Variants in ELP1 observed in about 807,000 individuals in gnomAD.
ELP1 encodes the protein elongator complex protein 1.
A neutral mutation model predicts 183.2 loss-of-function variants in ELP1; 131 were observed. The ratio of observed to expected loss-of-function variants is 0.72; its 90% CI spans 0.62 to 0.83. The LOEUF (loss-of-function observed/expected upper bound fraction) is 0.83. ELP1 is among the 40% of genes least tolerant of loss of function. The pLI, the probability that ELP1 is intolerant of heterozygous loss-of-function variation, is 0.00. For missense variants in ELP1, 1,550 were observed against 1,594.9 expected, an observed-to-expected ratio of 0.97 and a Z score of 0.48; for synonymous variants, 555 against 569.0, an observed-to-expected ratio of 0.98 and a Z score of 0.35.
At chr9:108,878,888 G>T in intron 33 of ELP1, 138 bp from the exon 34 acceptor site, 2 of 866,960 alleles carry the variant, frequency 2.3e-6, no homozygotes, top group Admixed American at 4.2e-5. Flanking sequence ...AATTCCTAAA[G>T]CAAAATTCAG....
intron 36 of ELP1, among the ~76,000 whole-genome samples, chr9:108,870,963 T>C (rs1470006604): frequency 2.7e-5 from 4 of 145,804 alleles, no homozygotes; most frequent in African/African-American, 1.0e-4. Context: ...AAATCCTTCA[T>C]GCACCATTTT....
rs1451184045 is a variant in ELP1, at chr9:108,901,527, C to T, written c.1912G>A (p.Ala638Thr). The T allele has an allele frequency of 1.2e-6, 2 of 1,613,564 alleles. No individual in the cohort carries two copies. The highest frequency in any genetic ancestry group is 1.7e-5 in the Admixed American group (1 of 60,008). The change falls in exon 18 of 37, where the codon GCG becomes ACG. Residue 638 changes from alanine (A) to threonine (T), a missense_variant. Coordinates refer to ENST00000374647, the MANE Select transcript of ELP1 (RefSeq NM_003640.5). ...CRFFINDIEV[A>T]SNITSFAVYD... ...ACTGCAAATGACGTGATATTTGACGCAACCTGCAAGAGAAGGCCAGAGAGG... is the reference window on the plus strand; with the variant it reads ...ACTGCAAATGACGTGATATTTGACGTAACCTGCAAGAGAAGGCCAGAGAGG...
chr9:108,883,500 T>C (rs1828007157), intron 29 of ELP1, among the ~76,000 whole-genome samples: 1 of 152,212 alleles, frequency 6.6e-6, no homozygotes, highest in East Asian at 1.9e-4. Flanking sequence ...TCTTAAATTT[T>C]TGTTGATCCA....
At chr9:108,879,905 G>A in intron 32 of ELP1, 147 bp downstream of exon 32, 2 of 703,788 alleles carry the variant, frequency 2.8e-6, no homozygotes, top group South Asian at 3.0e-5. Context: ...AGACACAGAG[G>A]GCCCTGAAGG....
intron 13 of ELP1, 102 bp from the exon 14 acceptor site, chr9:108,906,587 C>T: frequency 1.1e-6 from 1 of 906,206 alleles, no homozygotes; most frequent in Admixed American, 1.9e-5. Context: ...ATACAGTCCA[C>T]TCCTAATTAT....
intron 18 of ELP1, among the ~76,000 whole-genome samples, chr9:108,900,747 A>G (rs999610174): frequency 4.6e-5 from 7 of 152,144 alleles, no homozygotes; most frequent in Admixed American, 3.3e-4. Flanking sequence ...GCTTTTTAGA[A>G]TAAGGAACAC....
rs1827867426 is a variant in ELP1, at chr9:108,880,093, A to G, written c.3419T>C (p.Val1140Ala). The change falls in exon 32 of 37, where the codon GTA becomes GCA. Residue 1140 changes from valine to alanine, a missense_variant. Val to Ala is a moderately conservative substitution (Grantham distance 64, BLOSUM62 0). Coordinates refer to ENST00000374647, the MANE Select transcript of ELP1 (RefSeq NM_003640.5). Reference protein sequence around the residue: ...TFSRHKKRLLVVRELKEQAQQ... With the variant: ...TFSRHKKRLLAVRELKEQAQQ... ...GGCTTGCTCCTTGAGCTCTCGAACT[A>G]CCAATAAACGTTTCTTGTGGCGACT... The G allele has an allele frequency of 2.5e-6, 4 of 1,614,122 alleles. No homozygotes were observed. The highest frequency in any genetic ancestry group is 3.4e-6 in the Non-Finnish European group (4 of 1,179,994).
At chr9:108,926,707 A>C in intron 4 of ELP1, 104 bp from the exon 5 acceptor site, 1 of 793,950 alleles carries the variant, frequency 1.3e-6, no homozygotes. Context: ...TAGTCTGAAC[A>C]GAGCAGACAG....
intron 13 of ELP1, among the ~76,000 whole-genome samples, chr9:108,907,608 C>T (rs1466944587): frequency 6.6e-6 from 1 of 152,086 alleles, no homozygotes; most frequent in Non-Finnish European, 1.5e-5. Context: ...TAATGAAGAA[C>T]ATGGACTTAT....
chr9:108,904,679 C>A (rs984138062), intron 14 of ELP1, among the ~76,000 whole-genome samples: 1 of 152,280 alleles, frequency 6.6e-6, no homozygotes, highest in Middle Eastern at 3.4e-3. Context: ...TATCTAACTG[C>A]TCCATGTCTT....
intron 28 of ELP1, 72 bp downstream of exon 28, chr9:108,891,131 A>C: frequency 6.7e-7 from 1 of 1,482,158 alleles, no homozygotes; most frequent in East Asian, 2.3e-5. Flanking sequence ...ATTTATTTGC[A>C]AAATTACCAA....
chr9:108,917,640 T>G lies in ELP1; in HGVS notation c.771A>C (p.Gln257His). Residue 257 changes from glutamine (Q) to histidine (H), a missense_variant, in exon 9 of 37, where the codon CAA (glutamine) becomes CAC (histidine). Gln to His is a conservative substitution (Grantham distance 24, BLOSUM62 0). Transcript: ENST00000374647. ...KPSGSLIASTQDKPNQQDIVF... is the reference protein window; with the variant it reads ...KPSGSLIASTHDKPNQQDIVF... ...CAATATCCTGCTGGTTGGGTTTATC[T>G]TGTGTAGATGCAATCAAACTGCCTG... 1 of 1,614,082 alleles carries G rather than the reference T, an allele frequency of 6.2e-7. No homozygotes were observed. Among genetic ancestry groups the G allele is most frequent in the Non-Finnish European group, 8.5e-7 (1 of 1,179,972 alleles).
intron 29 of ELP1, among the ~76,000 whole-genome samples, chr9:108,883,929 A>G (rs906030353): frequency 7.9e-5 from 12 of 152,112 alleles, no homozygotes; most frequent in Admixed American, 3.9e-4. Context: ...AAATCTAACT[A>G]TATTGGTAAT....
chr9:108,906,007 T>C (rs911362919), intron 14 of ELP1, among the ~76,000 whole-genome samples: 13 of 152,154 alleles, frequency 8.5e-5, no homozygotes, highest in Non-Finnish European at 1.3e-4. Flanking sequence ...TTATAACATA[T>C]AACAATCACG....
At chr9:108,923,893 C>A (rs1466543506) in intron 5 of ELP1, among the ~76,000 whole-genome samples, 7 of 152,166 alleles carry the variant, frequency 4.6e-5, no homozygotes, top group Admixed American at 4.6e-4. Flanking sequence ...AATCCAGGAC[C>A]CAATACTTTC....
rs760154804 is a variant in ELP1, at chr9:108,931,095, G to T, written c.52C>A (p.Pro18Thr). The T allele has an allele frequency of 2.5e-6, 4 of 1,614,028 alleles. No individual in the cohort carries two copies. In the East Asian group the frequency reaches 6.7e-5, roughly 27 times the overall value. Residue 18 changes from proline (P) to threonine (T), a missense_variant, in exon 2 of 37, where the codon CCA becomes ACA. Pro to Thr is a conservative substitution (Grantham distance 38). Transcript: ENST00000374647. ...AGAGAGAAGCACTGAGGATTCCCTG[G>T]ACCTTGAATATCCCTGAACTCCAGG... is the stretch of plus-strand genomic sequence containing the variant. ...RTLEFRDIQG[P>T]GNPQCFSLRT... is the part of the protein sequence containing the mutation.
chr9:108,930,061 T>C (rs2132050583), intron 2 of ELP1, 140 bp from the exon 3 acceptor site: 7 of 987,492 alleles, frequency 7.1e-6, no homozygotes, highest in South Asian at 5.9e-5. Context: ...AAATCCAAAC[T>C]TTCATTTGAG....
chr9:108,902,382 G>A (rs1828840211), intron 16 of ELP1, among the ~76,000 whole-genome samples: 5 of 152,026 alleles, frequency 3.3e-5, no homozygotes, highest in Admixed American at 3.3e-4. Flanking sequence ...CCCAACAAAG[G>A]GAATCATTAC....
chr9:108,909,662 C>T (rs1319166744), intron 12 of ELP1, among the ~76,000 whole-genome samples: 1 of 152,208 alleles, frequency 6.6e-6, no homozygotes, highest in Non-Finnish European at 1.5e-5. Context: ...GAACACTGCT[C>T]TGGCTCAAGC....
Sources: gnomAD v4.1 joint callset for allele counts (sites outside exome capture counted in the v4.1 genomes callset) on GRCh38, gnomAD v4.1.1 for gene constraint, MANE v1.5 for transcripts, NCBI Gene and HGNC (gene_info 2026-07-23, HGNC 2026-07-21) for gene names.